The following BICC1 variants were observed in gnomAD, a reference collection of about 807,000 sequenced individuals.
BICC1 encodes the protein protein bicaudal C homolog 1.
In BICC1, 43 loss-of-function variants were observed where a neutral mutation model predicts 111.0. The observed-to-expected ratio is 0.39, with a 90% CI of 0.30 to 0.50. The LOEUF is 0.50. BICC1 is among the 20% of genes least tolerant of loss of function. The probability of loss-of-function intolerance (pLI) is 0.88; values close to 1 mark genes in which losing one functional copy is unlikely to be tolerated. For missense variants in BICC1, 1,091 were observed against 1,203.2 expected (o/e 0.91, Z 1.38); for synonymous variants, 467 against 434.4 (o/e 1.07, Z -0.93).
intron 20 of BICC1, among the ~76,000 whole-genome samples, chr10:58,824,573 A>G (rs2132987180): frequency 6.6e-6 from 1 of 152,280 alleles, no homozygotes; most frequent in East Asian, 1.9e-4. Context: ...CCTTAACACC[A>G]TGCAGTCTGT....
chr10:58,534,215 T>A (rs929380104), intron 1 of BICC1, among the ~76,000 whole-genome samples: 2 of 151,714 alleles, frequency 1.3e-5, no homozygotes, highest in African/African-American at 4.8e-5. Flanking sequence ...ATTGGAGGTA[T>A]TGCTAGCATG....
chr10:58,680,048 G>A (rs760026954), intron 2 of BICC1, among the ~76,000 whole-genome samples: 12 of 151,906 alleles, frequency 7.9e-5, no homozygotes, highest in Non-Finnish European at 1.6e-4. Flanking sequence ...TCAAAATAAT[G>A]AGCTATTTAT....
intron 3 of BICC1, among the ~76,000 whole-genome samples, chr10:58,779,571 A>AAT (rs1842831303): frequency 2.0e-5 from 3 of 152,222 alleles, no homozygotes; most frequent in Non-Finnish European, 2.9e-5. Context: ...TTTTATACCA[A>AAT]AGAAATTTGC....
chr10:58,566,957 C>T (rs1317331815), intron 1 of BICC1, among the ~76,000 whole-genome samples: 1 of 152,052 alleles, frequency 6.6e-6, no homozygotes, highest in Non-Finnish European at 1.5e-5. Flanking sequence ...TACTCTCTGA[C>T]ATTATAAGTA....
At chr10:58,608,228 G>T (rs1845295843) in intron 1 of BICC1, among the ~76,000 whole-genome samples, 2 of 151,794 alleles carry the variant, frequency 1.3e-5, no homozygotes, top group Admixed American at 1.3e-4. Context: ...TGCTTCCACT[G>T]CCCCAAAACC....
At chr10:58,766,613 C>T (rs1351515792) in intron 3 of BICC1, among the ~76,000 whole-genome samples, 1 of 152,074 alleles carries the variant, frequency 6.6e-6, no homozygotes, top group Non-Finnish European at 1.5e-5. Context: ...TTGACAATCA[C>T]TCATGGACAA....
At chr10:58,716,187 T>C in intron 3 of BICC1, 2 of 1,498,518 alleles carry the variant, frequency 1.3e-6, no homozygotes, top group Non-Finnish European at 1.8e-6. Context: ...AGAAAAGCAG[T>C]GAAGAACGAG....
At chr10:58,543,835 A>AG (rs1843062539) in intron 1 of BICC1, among the ~76,000 whole-genome samples, 1 of 45,676 alleles carries the variant, frequency 2.2e-5, no homozygotes, top group African/African-American at 5.1e-5. Flanking sequence ...ACCATAATTA[A>AG]AAAAAAAAAA....
At chr10:58,794,831 C>T (rs535384321) in intron 9 of BICC1, among the ~76,000 whole-genome samples, 5 of 152,152 alleles carry the variant, frequency 3.3e-5, no homozygotes, top group African/African-American at 7.2e-5. Flanking sequence ...TTCTGATCAT[C>T]GCATTATTCT....
chr10:58,809,469 G>A (rs7087585), intron 17 of BICC1, among the ~76,000 whole-genome samples: 109,486 of 151,956 alleles, frequency 0.72, 39,650 homozygotes, highest in East Asian at 0.76. Flanking sequence ...CAAACTGCTG[G>A]GCTCAAGCAA....
At chr10:58,800,424 A>T in intron 13 of BICC1, 98 bp downstream of exon 13, 1 of 1,167,402 alleles carries the variant, frequency 8.6e-7, no homozygotes, top group Non-Finnish European at 1.2e-6. Context: ...GGTTTTGCTA[A>T]ACAGCTATCA....
chr10:58,519,606 CT>C (rs1051372099), intron 1 of BICC1, among the ~76,000 whole-genome samples: 1 of 152,008 alleles, frequency 6.6e-6, no homozygotes. Context: ...TCTTTCTTTC[CT>C]TTTTTTAAAT....
chr10:58,742,452 T>C (rs1841698757), intron 3 of BICC1, among the ~76,000 whole-genome samples: 1 of 147,946 alleles, frequency 6.8e-6, no homozygotes, highest in South Asian at 2.2e-4. Flanking sequence ...TTTTTTTTTT[T>C]TTTGAGATGG....
intron 17 of BICC1, among the ~76,000 whole-genome samples, 159 bp downstream of exon 17, chr10:58,807,317 G>A (rs1843740304): frequency 6.6e-6 from 1 of 152,146 alleles, no homozygotes; most frequent in Non-Finnish European, 1.5e-5. Context: ...TAAAACTGAT[G>A]CACTCTTGTG....
chr10:58,755,809 G>A (rs1219749445), intron 3 of BICC1, among the ~76,000 whole-genome samples: 1 of 152,036 alleles, frequency 6.6e-6, no homozygotes, highest in Non-Finnish European at 1.5e-5. Context: ...TTACAGCCGA[G>A]GCTTCTCTGC....
intron 1 of BICC1, among the ~76,000 whole-genome samples, chr10:58,615,754 G>A (rs886434783): frequency 6.6e-6 from 1 of 152,122 alleles, no homozygotes; most frequent in Non-Finnish European, 1.5e-5. Flanking sequence ...TCCAGGTTGG[G>A]CATGTGACTG....
intron 2 of BICC1, among the ~76,000 whole-genome samples, chr10:58,666,340 A>G (rs1000098425): frequency 2.0e-5 from 3 of 152,204 alleles, no homozygotes; most frequent in Non-Finnish European, 4.4e-5. Context: ...TTTCAGGTGC[A>G]TATTACTAAG....
At chr10:58,584,625 T>C (rs943802557) in intron 1 of BICC1, among the ~76,000 whole-genome samples, 3 of 152,178 alleles carry the variant, frequency 2.0e-5, no homozygotes, top group South Asian at 2.1e-4. Flanking sequence ...AGTACAATAA[T>C]GTATATCTAT....
chr10:58,585,045 G>A (rs1294892000), intron 1 of BICC1, among the ~76,000 whole-genome samples: 1 of 152,152 alleles, frequency 6.6e-6, no homozygotes, highest in Non-Finnish European at 1.5e-5. Context: ...AATTATACCT[G>A]GCAAGTGGTA....
Sources: allele counts gnomAD v4.1 joint callset (sites outside exome capture counted in the v4.1 genomes callset), GRCh38; gene constraint gnomAD v4.1.1; transcripts MANE v1.5; gene names NCBI Gene and HGNC (gene_info 2026-07-23, HGNC 2026-07-21).